The following RAB3C variants were observed in gnomAD, a reference collection of about 807,000 sequenced individuals.
RAB3C encodes the protein RAB3C, member RAS oncogene family.
In RAB3C, 17 loss-of-function variants were observed where a neutral mutation model predicts 26.4. The observed-to-expected ratio is 0.64, with a 90% CI of 0.44 to 0.97. The LOEUF is 0.97. Ranked by LOEUF, RAB3C falls within the 50% of genes least tolerant of loss-of-function variation. The pLI is 0.00. For missense variants in RAB3C, 242 were observed against 281.9 expected, an observed-to-expected ratio of 0.86 and a Z score of 1.01; for synonymous variants, 91 against 95.9, an observed-to-expected ratio of 0.95 and a Z score of 0.30.
chr5:58,841,156 G>A (rs753772806), intron 4 of RAB3C, among the ~76,000 whole-genome samples: 8 of 152,172 alleles, frequency 5.3e-5, no homozygotes, highest in Non-Finnish European at 1.0e-4. Flanking sequence ...TCCTGAGCAC[G>A]GTCACATAGC....
At chr5:58,706,589 T>A (rs1263076736) in intron 2 of RAB3C, among the ~76,000 whole-genome samples, 1 of 152,200 alleles carries the variant, frequency 6.6e-6, no homozygotes, top group Non-Finnish European at 1.5e-5. Context: ...GTAACTTATC[T>A]ACTTATTTGT....
intron 2 of RAB3C, among the ~76,000 whole-genome samples, chr5:58,721,943 T>C (rs1226085029): frequency 1.3e-5 from 2 of 151,818 alleles, no homozygotes; most frequent in Non-Finnish European, 2.9e-5. Context: ...TATTTTTTTT[T>C]TCTTAAAAGC....
intron 1 of RAB3C, among the ~76,000 whole-genome samples, chr5:58,583,683 A>G (rs960138525): frequency 9.9e-5 from 15 of 152,200 alleles, no homozygotes; most frequent in Non-Finnish European, 2.1e-4. Context: ...CGCATTAAAT[A>G]AAGAGAAGCC....
Position 58,664,634 on chromosome 5 carries a change from G to T in RAB3C, c.252+46764G>T, listed in dbSNP as rs116073751. 2.8e-3 allele frequency among the ~76,000 whole-genome samples: 429 copies of T among 152,256 alleles called. 2 individuals carry two copies. Among genetic ancestry groups the T allele is most frequent in the African/African-American group, 9.6e-3 (397 of 41,542 alleles). On this transcript the variant is annotated intron_variant, in intron 2 of 4. Transcript: ENST00000282878. ...AAGATGTTACCATTAGGGGACACTAGGTGAGGGGTACACAGGATCTCTTTA... is the reference window on the plus strand; with the variant it reads ...AAGATGTTACCATTAGGGGACACTATGTGAGGGGTACACAGGATCTCTTTA...
intron 3 of RAB3C, among the ~76,000 whole-genome samples, chr5:58,807,881 C>T (rs1258247368): frequency 6.6e-6 from 1 of 151,972 alleles, no homozygotes; most frequent in Non-Finnish European, 1.5e-5. Context: ...AGACTCTGTT[C>T]AGCAAAACCA....
At chr5:58,840,169 T>C (rs2112078572) in intron 4 of RAB3C, among the ~76,000 whole-genome samples, 1 of 152,030 alleles carries the variant, frequency 6.6e-6, no homozygotes, top group Admixed American at 6.5e-5. Flanking sequence ...TATTTATCTT[T>C]TTTCTTTTTT....
chr5:58,672,694 A>T (rs1748144664), intron 2 of RAB3C, among the ~76,000 whole-genome samples: 1 of 152,234 alleles, frequency 6.6e-6, no homozygotes, highest in African/African-American at 2.4e-5. Flanking sequence ...AATGTGATAT[A>T]CATAAGCCTT....
chr5:58,600,463 A>G (rs192555391), intron 1 of RAB3C, among the ~76,000 whole-genome samples: 9 of 152,288 alleles, frequency 5.9e-5, no homozygotes, highest in African/African-American at 2.2e-4. Context: ...GATTCTACCC[A>G]TACATGAGCA....
intron 3 of RAB3C, among the ~76,000 whole-genome samples, chr5:58,746,050 CAAATT>C (rs1271574195): frequency 2.6e-5 from 4 of 152,258 alleles, no homozygotes; most frequent in Admixed American, 6.5e-5. Context: ...AGAGACTAAT[CAAATT>C]AAGACAATTC....
At chr5:58,763,903 T>C (rs557030772) in intron 3 of RAB3C, among the ~76,000 whole-genome samples, 44 of 152,286 alleles carry the variant, frequency 2.9e-4, no homozygotes, top group Admixed American at 1.0e-3. Context: ...GGGTGATATA[T>C]AGAAGGGCAA....
At chr5:58,594,502 A>G (rs2111664119) in intron 1 of RAB3C, among the ~76,000 whole-genome samples, 2 of 152,296 alleles carry the variant, frequency 1.3e-5, no homozygotes, top group South Asian at 4.1e-4. Context: ...GATTATGACT[A>G]TGAAAGTGGC....
chr5:58,597,079 A>ATATATAATGCATAATATATATTATATAAT (rs1561260515), intron 1 of RAB3C, among the ~76,000 whole-genome samples: 2,439 of 6,538 alleles, frequency 0.37, 228 homozygotes, highest in East Asian at 0.48. Context: ...ATTATATAAT[A>ATATATAATGCATAATATATATTATATAAT]ATATATAATA....
intron 2 of RAB3C, among the ~76,000 whole-genome samples, chr5:58,694,316 C>G (rs1458642612): frequency 2.0e-5 from 3 of 152,170 alleles, no homozygotes; most frequent in Non-Finnish European, 4.4e-5. Flanking sequence ...GCCACATTTT[C>G]TTAATCTAGT....
At chr5:58,835,361 T>G (rs925939024) in intron 4 of RAB3C, among the ~76,000 whole-genome samples, 1 of 152,186 alleles carries the variant, frequency 6.6e-6, no homozygotes, top group Admixed American at 6.5e-5. Context: ...GACCCCTGAG[T>G]TTCCCCATTC....
rs199785995 is a variant in RAB3C, at chr5:58,748,186, G to GC, written c.371+22066_371+22067insC. Among the ~76,000 whole-genome samples the GC allele has an allele frequency of 5.5e-3, 554 of 101,064 alleles. 5 individuals carry two copies. Among genetic ancestry groups the GC allele is most frequent in the African/African-American group, 0.019 (495 of 26,094 alleles). The allele number at this position is 101,064 out of a possible 152,430, so 66.3% of individuals were successfully genotyped here. Reference sequence around the variant, plus strand: ...CCACATTACCCAGAAAGAATTTCAAGGGGGGGGAAATGATCTATCAATCTA... The same window carrying GC: ...CCACATTACCCAGAAAGAATTTCAAGCGGGGGGGAAATGATCTATCAATCTA... On this transcript the variant is annotated intron_variant, in intron 3 of 4. Coordinates refer to ENST00000282878, the MANE Select transcript of RAB3C (RefSeq NM_138453.4).
In RAB3C at chr5:58,617,664, A is replaced by G. The variant is rs368254222; in HGVS notation, c.46A>G (p.Arg16Gly). ...PMQMASAQDA[R>G]YGQKDSSDQN... ...ACAGATGGCCTCTGCCCAAGATGCC[A>G]GGTACGGCCAGAAAGACTCCTCTGA... Residue 16 changes from arginine to glycine, a missense_variant, in exon 2 of 5, where the codon AGG becomes GGG. Physicochemically the swap from Arg to Gly is moderately radical, Grantham distance 125 (BLOSUM62 -2). Coordinates refer to ENST00000282878, the MANE Select transcript of RAB3C (RefSeq NM_138453.4). 2 of 1,613,208 alleles carry G rather than the reference A, an allele frequency of 1.2e-6. No homozygotes were observed. The highest frequency in any genetic ancestry group is 1.3e-5 in the African/African-American group (1 of 74,920).
intron 3 of RAB3C, among the ~76,000 whole-genome samples, chr5:58,754,872 TCTC>T (rs1252179702): frequency 7.3e-6 from 1 of 136,182 alleles, no homozygotes; most frequent in Non-Finnish European, 1.6e-5. Context: ...TACATCTAAA[TCTC>T]CTTATTCTCC....
intron 4 of RAB3C, among the ~76,000 whole-genome samples, chr5:58,832,497 G>T (rs1743634547): frequency 6.6e-6 from 1 of 152,050 alleles, no homozygotes; most frequent in Non-Finnish European, 1.5e-5. Context: ...ACCAACTATT[G>T]GTCAAGGCAC....
At chr5:58,708,571 T>C (rs1748999152) in intron 2 of RAB3C, among the ~76,000 whole-genome samples, 1 of 152,200 alleles carries the variant, frequency 6.6e-6, no homozygotes, top group Non-Finnish European at 1.5e-5. Flanking sequence ...ATCTGCTCCC[T>C]GACTCTGCTA....
Sources: gnomAD v4.1 joint callset for allele counts (sites outside exome capture counted in the v4.1 genomes callset) on GRCh38, gnomAD v4.1.1 for gene constraint, MANE v1.5 for transcripts, NCBI Gene and HGNC (gene_info 2026-07-23, HGNC 2026-07-21) for gene names.